Variants in SEPTIN8 observed in about 807,000 individuals in gnomAD.
The protein encoded by SEPTIN8 is septin 8, also known as septin-8.
SEPTIN8 carries 22 observed loss-of-function variants against 53.1 expected under a neutral mutation model. That is an observed-to-expected ratio of 0.41 (90% CI 0.30 to 0.59). SEPTIN8 has a LOEUF of 0.59. SEPTIN8 is among the 20% of genes least tolerant of loss of function. SEPTIN8 has a pLI of 0.24. For synonymous variants in SEPTIN8, 228 were observed against 248.4 expected (o/e 0.92, Z 0.77); for missense variants, 536 against 638.7 (o/e 0.84, Z 1.73).
At chr5:132,767,994 C>T (rs1452918994) in intron 1 of SEPTIN8, among the ~76,000 whole-genome samples, 2 of 148,982 alleles carry the variant, frequency 1.3e-5, no homozygotes, top group Non-Finnish European at 3.0e-5. Flanking sequence ...CACGCAGCCG[C>T]AGAGCACTTA....
chr5:132,777,378 G>A, upstream of SEPTIN8: 1 of 1,024,182 alleles, frequency 9.8e-7, no homozygotes, highest in Non-Finnish European at 1.2e-6. The surrounding 1 kb of genome is among the most constrained non-coding windows in gnomAD (Gnocchi z 4.1). Flanking sequence ...CCCGCCGCTT[G>A]GACGGCCGGG....
upstream of SEPTIN8, chr5:132,777,659 G>T (rs757309279): frequency 3.7e-5 from 36 of 985,584 alleles, no homozygotes; most frequent in East Asian, 1.1e-4. The surrounding 1 kb of genome is among the most constrained non-coding windows in gnomAD (Gnocchi z 4.1). Context: ...GCCTGCAAAT[G>T]TGCTGGGACC....
intron 9 of SEPTIN8, 28 bp from the exon 10 acceptor site, chr5:132,752,209 T>G (rs1462295108): frequency 1.9e-6 from 3 of 1,555,244 alleles, no homozygotes; most frequent in Non-Finnish European, 2.6e-6. Flanking sequence ...AGACATCAAC[T>G]TTGCCCCAGA....
upstream of SEPTIN8, among the ~76,000 whole-genome samples, chr5:132,779,886 G>A (rs1758016557): frequency 6.6e-6 from 1 of 152,218 alleles, no homozygotes; most frequent in Non-Finnish European, 1.5e-5. Flanking sequence ...TGTGCAGGTT[G>A]TGCATCAGTT....
chr5:132,751,723 C>T lies in SEPTIN8; in HGVS notation c.*293G>A, dbSNP rs932642134. 1.2e-5 allele frequency: 7 copies of T among 574,854 alleles called. No homozygotes were observed. The highest frequency in any genetic ancestry group is 3.8e-5 in the African/African-American group (2 of 53,022). The allele number at this position is 574,854 out of a possible 1,614,324, so 35.6% of individuals were successfully genotyped here. A position where few individuals can be genotyped will look rare whatever the true frequency, so the allele number is the denominator to read the frequency against. ...GAAACATTGTCATCTAGGTACTTTC[C>T]GCTCATAACGATGATGTCACAAAGC... is the stretch of plus-strand genomic sequence containing the variant. On this transcript the variant is annotated 3_prime_UTR_variant, in exon 10 of 10. Coordinates refer to ENST00000378719, the MANE Select transcript of SEPTIN8 (RefSeq NM_001098811.2).
intron 1 of SEPTIN8, chr5:132,774,088 C>G (rs1757571117): frequency 6.1e-6 from 1 of 164,862 alleles, no homozygotes; most frequent in South Asian, 2.1e-4. Context: ...TGACAGAGAC[C>G]TTGAGCCTCA....
intron 9 of SEPTIN8, chr5:132,754,151 TTTAA>T (rs1436078352): frequency 2.4e-6 from 1 of 421,706 alleles, no homozygotes; most frequent in African/African-American, 2.0e-5. Context: ...AAAATTACAC[TTTAA>T]TTGCTTCCGA....
intron 9 of SEPTIN8, chr5:132,753,922 AG>A (rs1300138564): frequency 7.3e-6 from 1 of 137,616 alleles, no homozygotes; most frequent in Non-Finnish European, 1.5e-5. Context: ...ACACATTCAG[AG>A]GTGGTTTGTG....
At chr5:132,752,203 A>T (rs1754903732) in intron 9 of SEPTIN8, 22 bp from the exon 10 acceptor site, 1 of 1,560,768 alleles carries the variant, frequency 6.4e-7, no homozygotes, top group Admixed American at 1.9e-5. Flanking sequence ...ACAGGTAGAC[A>T]TCAACTTTGC....
chr5:132,764,288 C>G lies in SEPTIN8; in HGVS notation c.283G>C (p.Val95Leu), dbSNP rs576714860. The change falls in exon 3 of 10, where the codon GTG becomes CTG. Residue 95 changes from valine (V) to leucine (L), a missense_variant. Transcript: ENST00000378719. Reference protein sequence around the residue: ...PQTYDLQESNVQLKLTIVDAV... With the variant: ...PQTYDLQESNLQLKLTIVDAV... ...TCCACAATGGTCAGCTTGAGCTGCA[C>G]GTTGCTCTCCTGGAGGTCATAGGTC... 1.9e-6 allele frequency: 3 copies of G among 1,614,170 alleles called. No homozygotes were observed. Among genetic ancestry groups the G allele is most frequent in the Non-Finnish European group, 2.5e-6 (3 of 1,180,022 alleles).
chr5:132,757,185 C>G, intron 9 of SEPTIN8: 1 of 977,326 alleles, frequency 1.0e-6, no homozygotes, highest in Non-Finnish European at 1.2e-6. Context: ...CATTGTTTTT[C>G]TTAAAGAAGT....
intron 1 of SEPTIN8, among the ~76,000 whole-genome samples, chr5:132,766,327 G>A (rs566513805): frequency 4.6e-5 from 7 of 152,240 alleles, no homozygotes; most frequent in African/African-American, 4.8e-5. Context: ...AGAAGGTTCC[G>A]GGTAAGAATG....
At chr5:132,777,909 C>G (rs993706743), upstream of SEPTIN8, 5 of 985,394 alleles carry the variant, frequency 5.1e-6, no homozygotes, top group Non-Finnish European at 4.8e-6. The surrounding 1 kb of genome is among the most constrained non-coding windows in gnomAD (Gnocchi z 4.1). Context: ...AATAGAAAAG[C>G]GGAGCTCGAC....
At position 132,761,363 on chromosome 5, in the gene SEPTIN8, G is replaced by T; in HGVS notation, c.962+95C>A. 1 of 1,590,290 alleles carries T rather than the reference G, an allele frequency of 6.3e-7. No individual in the cohort carries two copies. Among genetic ancestry groups the T allele is most frequent in the Non-Finnish European group, 8.5e-7 (1 of 1,170,624 alleles). On this transcript the variant is annotated intron_variant, in intron 7 of 9. Coordinates refer to ENST00000378719, the MANE Select transcript of SEPTIN8 (RefSeq NM_001098811.2). The surrounding 1 kb of genome is among the most constrained non-coding windows in gnomAD (Gnocchi z 5.8). ...GAAGTAGAATCATGTGGGCACGAGG[G>T]GTAAGAGGATGTGGGGTCCCTCAGG...
intron 1 of SEPTIN8, among the ~76,000 whole-genome samples, chr5:132,772,636 C>G (rs1443238808): frequency 6.6e-6 from 1 of 152,240 alleles, no homozygotes; most frequent in Non-Finnish European, 1.5e-5. Context: ...GCCCCGCCTT[C>G]TGTCCAACCC....
At chr5:132,772,344 C>A (rs1357202346) in intron 1 of SEPTIN8, among the ~76,000 whole-genome samples, 20 of 152,208 alleles carry the variant, frequency 1.3e-4, no homozygotes, top group Admixed American at 1.3e-3. Context: ...GCCACCCCAA[C>A]CCCCAGGCCT....
At chr5:132,775,175 C>G (rs1447234820) in intron 1 of SEPTIN8, among the ~76,000 whole-genome samples, 2 of 152,190 alleles carry the variant, frequency 1.3e-5, no homozygotes, top group East Asian at 1.9e-4. Flanking sequence ...TACCAAAACT[C>G]CTCACAGGAA....
intron 9 of SEPTIN8, chr5:132,756,588 C>T (rs1755362760): frequency 1.0e-6 from 1 of 985,268 alleles, no homozygotes; most frequent in African/African-American, 1.7e-5. Context: ...ACTTTATGCA[C>T]CAAGGTTTAA....
At position 132,763,804 on chromosome 5, in the gene SEPTIN8, G is replaced by A; in HGVS notation, c.436C>T (p.His146Tyr). ...LKIRRSLFDY[H>Y]DTRIHVCLYF... ...AGGCAAACGTGGATCCTTGTGTCATGGTAGTCGAAGAGCGAGCGGCGGATC... is the reference window on the plus strand; with the variant it reads ...AGGCAAACGTGGATCCTTGTGTCATAGTAGTCGAAGAGCGAGCGGCGGATC... The change falls in exon 4 of 10, where the codon CAT becomes TAT. Residue 146 changes from histidine (H) to tyrosine (Y), a missense_variant. Around this residue, in one of 3 missense-constraint regions of SEPTIN8, gnomAD observed 395 missense variants for 451.8 expected, o/e 0.87. Transcript: ENST00000378719. 1 of 1,612,808 alleles carries A rather than the reference G, an allele frequency of 6.2e-7. No homozygotes were observed.
Sources: allele counts gnomAD v4.1 joint callset (sites outside exome capture counted in the v4.1 genomes callset), GRCh38; gene constraint gnomAD v4.1.1; regional missense constraint gnomAD v4.1.1; non-coding constraint Gnocchi (gnomAD v3.1); transcripts MANE v1.5; gene names NCBI Gene and HGNC (gene_info 2026-07-23, HGNC 2026-07-21).